Variants in MEIS1 observed in about 807,000 individuals in gnomAD.
MEIS1 encodes the protein Meis homeobox 1.
MEIS1 carries 5 observed loss-of-function variants against 50.8 expected under a neutral mutation model. The ratio of observed to expected loss-of-function variants is 0.10; its 90% CI spans 0.05 to 0.21. The LOEUF (loss-of-function observed/expected upper bound fraction) is 0.21. Among genes scored for constraint, MEIS1 ranks in the 10% least tolerant of loss-of-function variants. The pLI, the probability that MEIS1 is intolerant of heterozygous loss-of-function variation, is 1.00. For synonymous variants in MEIS1, 176 were observed against 179.3 expected (o/e 0.98, Z 0.15); for missense variants, 318 against 517.3 (o/e 0.61, Z 3.74).
intron 7 of MEIS1, among the ~76,000 whole-genome samples, chr2:66,484,908 C>T (rs1464256837): frequency 6.6e-6 from 1 of 152,042 alleles, no homozygotes; most frequent in African/African-American, 2.4e-5. Context: ...TCTGTTGGGG[C>T]ACCATACAGT....
chr2:66,495,996 G>A (rs952700646), intron 7 of MEIS1: 2 of 152,326 alleles, frequency 1.3e-5, no homozygotes, highest in Admixed American at 6.5e-5. Context: ...ATCTGTTTGG[G>A]AAGAGATGAT....
At chr2:66,486,665 A>G (rs1673150068) in intron 7 of MEIS1, among the ~76,000 whole-genome samples, 1 of 152,210 alleles carries the variant, frequency 6.6e-6, no homozygotes, top group Non-Finnish European at 1.5e-5. Context: ...TGGGAATAGC[A>G]TTGAATCTAT....
At chr2:66,518,324 G>C (rs901163163) in intron 8 of MEIS1, among the ~76,000 whole-genome samples, 1 of 152,108 alleles carries the variant, frequency 6.6e-6, no homozygotes, top group Non-Finnish European at 1.5e-5. Context: ...TTCACCAATG[G>C]TTGTTTCACT....
At chr2:66,440,776 G>A in intron 4 of MEIS1, 164 bp downstream of exon 4, 1 of 583,828 alleles carries the variant, frequency 1.7e-6, no homozygotes, top group Non-Finnish European at 3.1e-6. Context: ...TCCGGGACAA[G>A]ATCCCGGGGA....
At chr2:66,505,783 G>T (rs1673672205) in intron 7 of MEIS1, among the ~76,000 whole-genome samples, 1 of 152,158 alleles carries the variant, frequency 6.6e-6, no homozygotes, top group Admixed American at 6.5e-5. Flanking sequence ...TTTCTGAAAG[G>T]CTATGGTAGA....
intron 9 of MEIS1, among the ~76,000 whole-genome samples, chr2:66,550,377 T>C (rs1257353516): frequency 6.6e-6 from 1 of 152,204 alleles, no homozygotes; most frequent in Non-Finnish European, 1.5e-5. Context: ...GTAAGAGAGA[T>C]TGTTTTTCTT....
At chr2:66,548,146 G>A (rs1360911465) in intron 9 of MEIS1, 127 bp downstream of exon 9, 1 of 828,842 alleles carries the variant, frequency 1.2e-6, no homozygotes, top group Non-Finnish European at 2.0e-6. Flanking sequence ...TGATTCAAAA[G>A]TGAAAACAAA....
chr2:66,469,643 C>T (rs1428584911), intron 7 of MEIS1, among the ~76,000 whole-genome samples: 2 of 152,184 alleles, frequency 1.3e-5, no homozygotes, highest in Non-Finnish European at 2.9e-5. Flanking sequence ...TTAATGAGCA[C>T]ATTTCGCACA....
chr2:66,533,968 T>C (rs1674456948), intron 8 of MEIS1, among the ~76,000 whole-genome samples: 1 of 152,222 alleles, frequency 6.6e-6, no homozygotes, highest in African/African-American at 2.4e-5. Flanking sequence ...ACTGTATGCA[T>C]TTTATGTATT....
intron 8 of MEIS1, among the ~76,000 whole-genome samples, chr2:66,513,412 C>G (rs1295657176): frequency 6.6e-6 from 1 of 152,072 alleles, no homozygotes. Context: ...GGCCCACATT[C>G]AAAGCCATGT....
At chr2:66,532,331 T>A (rs972956778) in intron 8 of MEIS1, among the ~76,000 whole-genome samples, 2 of 152,120 alleles carry the variant, frequency 1.3e-5, no homozygotes, top group African/African-American at 4.8e-5. Flanking sequence ...TCATTTATAA[T>A]AAATCTTTAG....
chr2:66,440,081 A>ACC, intron 3 of MEIS1, 97 bp downstream of exon 3: 1 of 1,085,706 alleles, frequency 9.2e-7, no homozygotes. Flanking sequence ...ACACACACAC[A>ACC]CACACACACA....
At chr2:66,559,753 C>G (rs1304298263) in intron 9 of MEIS1, among the ~76,000 whole-genome samples, 1 of 152,052 alleles carries the variant, frequency 6.6e-6, no homozygotes, top group Non-Finnish European at 1.5e-5. Context: ...TATACAAACT[C>G]AAATTTGGCA....
chr2:66,448,669 A>G (rs1204653512), intron 6 of MEIS1, among the ~76,000 whole-genome samples: 1 of 152,198 alleles, frequency 6.6e-6, no homozygotes, highest in African/African-American at 2.4e-5. Context: ...ACAAATGTGA[A>G]ATGCTAAAGT....
Position 66,495,635 on chromosome 2 carries a change from G to A in MEIS1, c.743-16514G>A, listed in dbSNP as rs553586251. On this transcript the variant is annotated intron_variant, in intron 7 of 12. Coordinates refer to ENST00000272369, the MANE Select transcript of MEIS1 (RefSeq NM_002398.3). Reference sequence around the variant, plus strand: ...TGGATCTGAATGGCTGCGATCTGGGGCCCTTTCCCAGTTTTGCATGGCAGA... The same window carrying A: ...TGGATCTGAATGGCTGCGATCTGGGACCCTTTCCCAGTTTTGCATGGCAGA... 2.0e-5 allele frequency among the ~76,000 whole-genome samples: 3 copies of A among 152,276 alleles called. No individual in the cohort carries two copies. The East Asian group carries it at 5.8e-4, about 29-fold the overall frequency.
At chr2:66,538,287 G>A (rs1298560970) in intron 8 of MEIS1, among the ~76,000 whole-genome samples, 3 of 152,186 alleles carry the variant, frequency 2.0e-5, no homozygotes, top group Non-Finnish European at 2.9e-5. Context: ...ATTAGATTCT[G>A]AGCCTCAGTG....
chr2:66,567,650 G>A lies in MEIS1; in HGVS notation c.1024+139G>A, dbSNP rs759701278. On this transcript the variant is annotated intron_variant, in intron 10 of 12. Transcript: ENST00000272369. ...TGGCAATTAAAATTAAACCAGTTTC[G>A]TTTCATAACAACACTAATCAATTTA... The A allele has an allele frequency of 1.2e-5, 9 of 769,404 alleles. No individual in the cohort carries two copies. In the African/African-American group the frequency reaches 1.2e-4, roughly 10 times the overall value. The allele number at this position is 769,404 out of a possible 1,614,324, so 47.7% of individuals were successfully genotyped here. A position where few individuals can be genotyped will look rare whatever the true frequency, so the allele number is the denominator to read the frequency against.
At chr2:66,566,843 C>T (rs1056852510) in intron 9 of MEIS1, among the ~76,000 whole-genome samples, 1 of 148,640 alleles carries the variant, frequency 6.7e-6, no homozygotes, top group African/African-American at 2.5e-5. Context: ...ACAAAAAAAG[C>T]CACCCCAAGA....
intron 1 of MEIS1, among the ~76,000 whole-genome samples, chr2:66,436,625 G>T (rs1037254968): frequency 3.3e-5 from 5 of 152,192 alleles, no homozygotes; most frequent in Non-Finnish European, 7.3e-5. Flanking sequence ...GTTTGCAAAA[G>T]AAAGTTACTA....
Sources: gnomAD v4.1 joint callset for allele counts (sites outside exome capture counted in the v4.1 genomes callset) on GRCh38, gnomAD v4.1.1 for gene constraint, MANE v1.5 for transcripts, NCBI Gene and HGNC (gene_info 2026-07-23, HGNC 2026-07-21) for gene names.